Variants in NR3C1 observed in about 807,000 individuals in gnomAD.
NR3C1 encodes nuclear receptor subfamily 3 group C member 1.
Under a neutral mutation model 74.0 loss-of-function variants are expected in NR3C1, and 14 were observed. The observed-to-expected ratio is 0.19, with a 90% CI of 0.12 to 0.30. The LOEUF (loss-of-function observed/expected upper bound fraction) is 0.30, where lower values mean the gene tolerates loss of function less well. Among genes scored for constraint, NR3C1 ranks in the 10% least tolerant of loss-of-function variants. NR3C1 has a pLI of 1.00. For synonymous variants in NR3C1, 308 were observed against 332.5 expected (o/e 0.93, Z 0.80); for missense variants, 695 against 909.8 (o/e 0.76, Z 3.04).
chr5:143,330,083 A>C (rs976535409), intron 2 of NR3C1, among the ~76,000 whole-genome samples: 1 of 152,186 alleles, frequency 6.6e-6, no homozygotes, highest in Non-Finnish European at 1.5e-5. Context: ...TTTGTTTTTC[A>C]CAGTCTAAGT....
intron 2 of NR3C1, among the ~76,000 whole-genome samples, chr5:143,336,464 C>T (rs998808725): frequency 6.6e-6 from 1 of 151,874 alleles, no homozygotes; most frequent in African/African-American, 2.4e-5. Context: ...TGTTAAGTCA[C>T]CAGTGGGGAA....
intron 1 of NR3C1, among the ~76,000 whole-genome samples, chr5:143,427,379 C>T (rs567641234): frequency 1.3e-4 from 20 of 152,068 alleles, no homozygotes; most frequent in Middle Eastern, 6.8e-3. Flanking sequence ...GGGGGAATTA[C>T]CCTGAGAGGT....
chr5:143,325,638 C>T (rs538331537), intron 2 of NR3C1, among the ~76,000 whole-genome samples: 2 of 152,106 alleles, frequency 1.3e-5, no homozygotes, highest in Non-Finnish European at 2.9e-5. Context: ...GTTACTATTA[C>T]TCTTTTACTC....
chr5:143,294,797 T>G, intron 7 of NR3C1: 1 of 418,634 alleles, frequency 2.4e-6, no homozygotes. Context: ...CGTCCCTCCA[T>G]GTGTTTTCAT....
chr5:143,342,060 C>T (rs61752277), intron 2 of NR3C1, among the ~76,000 whole-genome samples: 4 of 151,364 alleles, frequency 2.6e-5, no homozygotes, highest in African/African-American at 9.7e-5. Context: ...AGACTTTCAA[C>T]AAGAATCTAC....
Position 143,281,696 on chromosome 5 carries a change from G to A in NR3C1, c.*193C>T. 1.7e-6 allele frequency: 1 copy of A among 575,820 alleles called. No homozygotes were observed. Among genetic ancestry groups the A allele is most frequent in the Non-Finnish European group, 3.1e-6 (1 of 325,990 alleles). 35.7% of individuals were successfully genotyped at this position (575,820 alleles called of 1,614,324 possible). ...ATCTACTCTCCCATCACTGAAAAGT[G>A]ATGACGACTCAACTGCTTCTGTTGC... On this transcript the variant is annotated 3_prime_UTR_variant, in exon 9 of 9. Transcript: ENST00000394464.
intron 2 of NR3C1, among the ~76,000 whole-genome samples, chr5:143,345,917 T>C (rs536460593): frequency 6.6e-5 from 10 of 152,148 alleles, no homozygotes; most frequent in East Asian, 1.9e-4. Context: ...TGTGGTAAAA[T>C]TGGTTTCATT....
chr5:143,308,487 A>T (rs1272234555), intron 4 of NR3C1, among the ~76,000 whole-genome samples: 3 of 152,050 alleles, frequency 2.0e-5, no homozygotes, highest in African/African-American at 7.2e-5. Context: ...AATCATCATA[A>T]TCATAAAAGG....
intron 6 of NR3C1, among the ~76,000 whole-genome samples, chr5:143,297,573 G>A (rs1217337496): frequency 6.6e-6 from 1 of 152,162 alleles, no homozygotes; most frequent in Non-Finnish European, 1.5e-5. Flanking sequence ...TGATGCAGTA[G>A]TTTGAACAGT....
chr5:143,299,735 C>A, intron 5 of NR3C1, among the ~76,000 whole-genome samples: 1 of 152,106 alleles, frequency 6.6e-6, no homozygotes, highest in South Asian at 2.1e-4. Context: ...TAAATATGTA[C>A]AACTATTATG....
Position 143,309,945 on chromosome 5 carries a change from AT to A in NR3C1, c.1468+151del, listed in dbSNP as rs1166069512. ...GACATATTCATGAAAAAAATTTCCC[AT>A]TTTTATTGGGCAGTAACATTATGCT... On this transcript the variant is annotated intron_variant, in intron 4 of 8. Transcript: ENST00000394464. 4 of 646,516 alleles carry A rather than the reference AT, an allele frequency of 6.2e-6. No individual in the cohort carries two copies. The East Asian group carries it at 1.1e-4, about 19-fold the overall frequency. 40.0% of individuals were successfully genotyped at this position (646,516 alleles called of 1,614,324 possible). A position where few individuals can be genotyped will look rare whatever the true frequency, so the allele number is the denominator to read the frequency against.
chr5:143,292,807 T>C (rs1462723783), intron 7 of NR3C1, among the ~76,000 whole-genome samples: 1 of 152,214 alleles, frequency 6.6e-6, no homozygotes, highest in Non-Finnish European at 1.5e-5. Context: ...AGTGGCATCT[T>C]TTCCCAGTAA....
Position 143,300,833 on chromosome 5 carries a change from A to C in NR3C1, c.1469-70T>G, listed in dbSNP as rs1026694166. 2 of 1,376,630 alleles carry C rather than the reference A, an allele frequency of 1.5e-6. No individual in the cohort carries two copies. The highest frequency in any genetic ancestry group is 1.5e-5 in the African/African-American group (1 of 68,508). 85.3% of individuals were successfully genotyped at this position (1,376,630 alleles called of 1,614,324 possible). A position where few individuals can be genotyped will look rare whatever the true frequency, so the allele number is the denominator to read the frequency against. On this transcript the variant is annotated intron_variant, in intron 4 of 8. Transcript: ENST00000394464. This position sits in a 1 kb window ranked among gnomAD's most constrained non-coding sequence, Gnocchi z 5.2. ...AGGTCTGCGCTACACAGTTTATTCAAGAAGTATTTTTACTTTCTAAAACTA... is the reference window on the plus strand; with the variant it reads ...AGGTCTGCGCTACACAGTTTATTCACGAAGTATTTTTACTTTCTAAAACTA...
At chr5:143,363,583 A>T (rs924388466) in intron 2 of NR3C1, among the ~76,000 whole-genome samples, 12 of 5,262 alleles carry the variant, frequency 2.3e-3, no homozygotes, top group East Asian at 0.014. Context: ...CAAAAAAATA[A>T]AAAAAAAAAG....
chr5:143,420,957 T>A (rs1049712898), intron 1 of NR3C1, among the ~76,000 whole-genome samples: 1 of 152,218 alleles, frequency 6.6e-6, no homozygotes, highest in African/African-American at 2.4e-5. Flanking sequence ...GCTACAAAGA[T>A]AATGGAAATT....
chr5:143,429,245 C>T (rs1255296476), intron 1 of NR3C1, among the ~76,000 whole-genome samples: 1 of 152,026 alleles, frequency 6.6e-6, no homozygotes, highest in Non-Finnish European at 1.5e-5. Flanking sequence ...AGTAACTTGC[C>T]CAGGTTACAC....
intron 6 of NR3C1, among the ~76,000 whole-genome samples, chr5:143,296,928 A>T (rs1368433082): frequency 2.0e-5 from 3 of 151,948 alleles, no homozygotes; most frequent in African/African-American, 4.8e-5. Context: ...AATACAAAAA[A>T]TTAGCCAAGT....
intron 4 of NR3C1, among the ~76,000 whole-genome samples, chr5:143,306,091 C>G (rs1819536799): frequency 6.6e-6 from 1 of 151,904 alleles, no homozygotes; most frequent in Non-Finnish European, 1.5e-5. Flanking sequence ...AAGAGAAAAA[C>G]AAGCAAGTTT....
upstream of NR3C1, chr5:143,405,366 C>G: frequency 1.0e-6 from 1 of 985,422 alleles, no homozygotes; most frequent in South Asian, 4.7e-5. Context: ...GGCGGCTCCC[C>G]CTGCTCTGAC....
Sources: gnomAD v4.1 joint callset for allele counts (sites outside exome capture counted in the v4.1 genomes callset) on GRCh38, gnomAD v4.1.1 for gene constraint, Gnocchi (gnomAD v3.1) non-coding constraint, MANE v1.5 for transcripts, NCBI Gene and HGNC (gene_info 2026-07-23, HGNC 2026-07-21) for gene names.